SLC39A11: variants seen among roughly 807,000 people sequenced by gnomAD.
SLC39A11 encodes zinc transporter ZIP11.
A neutral mutation model predicts 36.1 loss-of-function variants in SLC39A11; 33 were observed. That is an observed-to-expected ratio of 0.91 (90% CI 0.69 to 1.22). SLC39A11 has a LOEUF of 1.22. Among genes scored for constraint, SLC39A11 ranks in the 50% most tolerant of loss-of-function variants. The pLI, the probability that SLC39A11 is intolerant of heterozygous loss-of-function variation, is 0.00. For synonymous variants in SLC39A11, 166 were observed against 170.3 expected (o/e 0.97, Z 0.20); for missense variants, 432 against 430.3 (o/e 1.00, Z -0.03).
intron 7 of SLC39A11, among the ~76,000 whole-genome samples, chr17:72,664,870 T>C (rs974009832): frequency 3.9e-5 from 6 of 152,222 alleles, no homozygotes; most frequent in Non-Finnish European, 5.9e-5. Flanking sequence ...TCTTCTTCTA[T>C]TGATCTCTTC....
At chr17:73,042,437 C>T (rs571434232) in intron 3 of SLC39A11, among the ~76,000 whole-genome samples, 76 of 152,304 alleles carry the variant, frequency 5.0e-4, no homozygotes, top group African/African-American at 1.8e-3. Context: ...AACATAGACT[C>T]TAACCTCAAG....
intron 7 of SLC39A11, among the ~76,000 whole-genome samples, chr17:72,673,773 A>G (rs2071126835): frequency 6.6e-6 from 1 of 152,180 alleles, no homozygotes; most frequent in Non-Finnish European, 1.5e-5. Flanking sequence ...TTATTCAAGA[A>G]GGGAAACTTG....
At chr17:72,685,175 G>A (rs2071685991) in intron 7 of SLC39A11, among the ~76,000 whole-genome samples, 1 of 152,218 alleles carries the variant, frequency 6.6e-6, no homozygotes, top group Non-Finnish European at 1.5e-5. Flanking sequence ...AGGCTCTTAG[G>A]AAGTTTGGGA....
intron 7 of SLC39A11, among the ~76,000 whole-genome samples, chr17:72,712,396 C>G (rs1190632573): frequency 2.0e-5 from 3 of 152,154 alleles, no homozygotes; most frequent in Non-Finnish European, 4.4e-5. Flanking sequence ...CTTGAAAGAC[C>G]AAAGAAAAAT....
At position 73,078,377 on chromosome 17, in the gene SLC39A11, T is replaced by C. The variant is rs1197228571; in HGVS notation, c.147+6431A>G. ...TTAGGCATGTAAATATGCAGACAGA[T>C]AGATCAGATATAGATAGATAGGTAG... On this transcript the variant is annotated intron_variant, in intron 3 of 9. Transcript: ENST00000255559. Among the ~76,000 whole-genome samples, 4 of 152,222 alleles carry C rather than the reference T, an allele frequency of 2.6e-5. No individual in the cohort carries two copies. The East Asian group carries it at 7.7e-4, about 29-fold the overall frequency.
chr17:72,780,488 C>T (rs1008871136), intron 6 of SLC39A11, among the ~76,000 whole-genome samples: 16 of 131,280 alleles, frequency 1.2e-4, no homozygotes, highest in African/African-American at 4.0e-4. Flanking sequence ...ACGTCTACTA[C>T]GTGCACCGCA....
intron 6 of SLC39A11, among the ~76,000 whole-genome samples, chr17:72,774,355 G>C (rs1226852725): frequency 6.6e-6 from 1 of 152,154 alleles, no homozygotes; most frequent in Non-Finnish European, 1.5e-5. Context: ...GAGGGTTTGT[G>C]GCAGCTCACC....
intron 7 of SLC39A11, among the ~76,000 whole-genome samples, chr17:72,680,205 C>T (rs1289427112): frequency 2.0e-5 from 3 of 152,034 alleles, no homozygotes; most frequent in Non-Finnish European, 2.9e-5. Context: ...ACATTTTTAT[C>T]ACCCAAAAGC....
chr17:72,927,448 TA>T (rs1183350785), intron 5 of SLC39A11, among the ~76,000 whole-genome samples: 1 of 152,178 alleles, frequency 6.6e-6, no homozygotes, highest in East Asian at 1.9e-4. Context: ...ACACATATTC[TA>T]AAAAGGACCT....
At chr17:72,770,832 G>A (rs2859523) in intron 6 of SLC39A11, among the ~76,000 whole-genome samples, 24,373 of 152,192 alleles carry the variant, frequency 0.16, 2,429 homozygotes, top group East Asian at 0.36. Context: ...GACAGCCCAT[G>A]TTAGTCATTC....
chr17:72,791,625 G>A (rs1353667244), intron 6 of SLC39A11, among the ~76,000 whole-genome samples: 1 of 152,160 alleles, frequency 6.6e-6, no homozygotes, highest in Admixed American at 6.5e-5. Context: ...TACTGATATA[G>A]TGTGGCTCTG....
rs200557412 is a variant in SLC39A11 at position 72,656,843 on chromosome 17, A to AT, written c.672-7576dup. Among the ~76,000 whole-genome samples the AT allele has an allele frequency of 6.4e-3, 975 of 151,898 alleles. 5 individuals are homozygous for AT. Among genetic ancestry groups the AT allele is most frequent in the African/African-American group, 0.022 (924 of 41,406 alleles). ...TTCCTATTATATGTTTATTTTTATT[A>AT]TTTTTTTTAAACATCGAAGGCCGGG... On this transcript the variant is annotated intron_variant, in intron 7 of 9. Transcript: ENST00000255559.
chr17:73,084,464 G>A lies in SLC39A11; in HGVS notation c.147+344C>T, dbSNP rs79321421. Among the ~76,000 whole-genome samples the A allele has an allele frequency of 1.2e-3, 135 of 113,974 alleles. 1 individual carries two copies. Among genetic ancestry groups the A allele is most frequent in the African/African-American group, 3.8e-3 (121 of 32,070 alleles). The allele number at this position is 113,974 out of a possible 152,430, so 74.8% of individuals were successfully genotyped here. A position where few individuals can be genotyped will look rare whatever the true frequency, so the allele number is the denominator to read the frequency against. On this transcript the variant is annotated intron_variant, in intron 3 of 9. Transcript: ENST00000255559. ...AAAAAAAAAAAAAAAAAAAAAAAAA[G>A]GCCTATAAAAAAGATCTTTTAAGGG... is the stretch of plus-strand genomic sequence containing the variant.
At chr17:72,675,112 C>T (rs527603874) in intron 7 of SLC39A11, among the ~76,000 whole-genome samples, 11 of 152,226 alleles carry the variant, frequency 7.2e-5, no homozygotes, top group Admixed American at 6.5e-4. Context: ...CTACTATGTT[C>T]CCTTCCATAG....
chr17:72,974,429 A>AG (rs2087694257), intron 4 of SLC39A11, among the ~76,000 whole-genome samples: 2 of 64,238 alleles, frequency 3.1e-5, no homozygotes, highest in South Asian at 1.9e-3. Context: ...TTCATTTTGT[A>AG]CCAAAAAAAA....
At chr17:73,047,555 A>C (rs529989169) in intron 3 of SLC39A11, among the ~76,000 whole-genome samples, 7 of 152,198 alleles carry the variant, frequency 4.6e-5, no homozygotes, top group Admixed American at 2.6e-4. Flanking sequence ...TGTTATTCCT[A>C]TTTCTCATAT....
intron 6 of SLC39A11, among the ~76,000 whole-genome samples, chr17:72,794,420 G>A (rs1437225846): frequency 6.6e-6 from 1 of 152,038 alleles, no homozygotes; most frequent in Admixed American, 6.6e-5. Flanking sequence ...TTCTAATTGA[G>A]TGAGAAAATC....
At position 72,844,407 on chromosome 17, in the gene SLC39A11, G is replaced by A. The variant is rs557706210; in HGVS notation, c.601+5227C>T. ...CAAGGGACCAGGCGCAGTGGCTCAC[G>A]CCTGTAATCCCAGCACTTTGGGAGG... On this transcript the variant is annotated intron_variant, in intron 6 of 9. Transcript: ENST00000255559. 1.4e-3 allele frequency among the ~76,000 whole-genome samples: 216 copies of A among 152,280 alleles called. 1 individual carries two copies. The highest frequency in any genetic ancestry group is 4.8e-3 in the African/African-American group (200 of 41,568).
At chr17:72,752,191 A>G (rs139736883) in intron 6 of SLC39A11, among the ~76,000 whole-genome samples, 32 of 152,278 alleles carry the variant, frequency 2.1e-4, no homozygotes, top group Non-Finnish European at 3.2e-4. Flanking sequence ...CTGTGACTTA[A>G]TAGCTTGACT....
Sources: allele counts gnomAD v4.1 joint callset (sites outside exome capture counted in the v4.1 genomes callset), GRCh38; gene constraint gnomAD v4.1.1; transcripts MANE v1.5; gene names NCBI Gene and HGNC (gene_info 2026-07-23, HGNC 2026-07-21).